ERBB4: variants seen among roughly 807,000 people sequenced by gnomAD.
ERBB4 encodes the protein receptor tyrosine-protein kinase erbB-4.
A neutral mutation model predicts 158.0 loss-of-function variants in ERBB4; 42 were observed. The observed-to-expected ratio is 0.27, with a 90% confidence interval of 0.21 to 0.34. The LOEUF is 0.34. ERBB4 is among the 10% of genes least tolerant of loss of function. ERBB4 has a pLI of 1.00. For synonymous variants in ERBB4, 583 were observed against 558.7 expected, an observed-to-expected ratio of 1.04 and a Z score of -0.61; for missense variants, 1,333 against 1,624.1, an observed-to-expected ratio of 0.82 and a Z score of 3.08.
At chr2:211,609,861 C>T (rs893986060) in intron 19 of ERBB4, among the ~76,000 whole-genome samples, 1 of 152,134 alleles carries the variant, frequency 6.6e-6, no homozygotes, top group African/African-American at 2.4e-5. Context: ...AAAAACAGAC[C>T]TATTGTCCAT....
At chr2:211,915,980 C>T (rs2079678723) in intron 3 of ERBB4, among the ~76,000 whole-genome samples, 1 of 151,734 alleles carries the variant, frequency 6.6e-6, no homozygotes, top group African/African-American at 2.4e-5. Flanking sequence ...ATACATACAA[C>T]TTTTAATAGT....
intron 3 of ERBB4, among the ~76,000 whole-genome samples, chr2:211,930,845 T>A (rs1237834280): frequency 6.6e-6 from 1 of 152,166 alleles, no homozygotes; most frequent in African/African-American, 2.4e-5. Context: ...TATTTAGAAC[T>A]AATTATGAAA....
In ERBB4 at chr2:212,192,075, TATATATTATATATATTATATAA is replaced by T. The variant is rs1327424452; in HGVS notation, c.83-67194_83-67173del. On this transcript the variant is annotated intron_variant, in intron 1 of 27. Transcript: ENST00000342788. ...TATATGTTATATATGTTATATGTTA[TATATATTATATATATTATATAA>T]GTTATATATTATATATTATATATAT... Among the ~76,000 whole-genome samples, 3 of 89,460 alleles carry T rather than the reference TATATATTATATATATTATATAA, an allele frequency of 3.4e-5. No homozygotes were observed. The East Asian group carries it at 8.4e-4, about 25-fold the overall frequency. The allele number at this position is 89,460 out of a possible 152,430, so 58.7% of individuals were successfully genotyped here.
intron 20 of ERBB4, among the ~76,000 whole-genome samples, chr2:211,559,514 A>T (rs1851200): frequency 0.25 from 38,001 of 152,048 alleles, 5,671 homozygotes; most frequent in African/African-American, 0.41. Flanking sequence ...TTCCACTTGG[A>T]TGATAAGTCT....
chr2:211,872,455 T>C (rs1344536433), intron 3 of ERBB4, among the ~76,000 whole-genome samples: 1 of 152,198 alleles, frequency 6.6e-6, no homozygotes, highest in African/African-American at 2.4e-5. Context: ...CCAATTTTTC[T>C]GACAGTCTTG....
At position 212,463,022 on chromosome 2, in the gene ERBB4, C is replaced by A. The variant is rs564827863; in HGVS notation, c.82+75427G>T. Among the ~76,000 whole-genome samples, 6 of 152,170 alleles carry A rather than the reference C, an allele frequency of 3.9e-5. No individual in the cohort carries two copies. In the South Asian group the frequency reaches 6.2e-4, roughly 16 times the overall value. On this transcript the variant is annotated intron_variant, in intron 1 of 27. Coordinates refer to ENST00000342788, the MANE Select transcript of ERBB4 (RefSeq NM_005235.3). ...AGGCACACACACAAAATAAATACTG[C>A]ATGTTCTCATTCATGTCGAAATTGA...
intron 2 of ERBB4, among the ~76,000 whole-genome samples, chr2:212,026,990 A>C (rs1284930303): frequency 6.6e-6 from 1 of 152,014 alleles, no homozygotes; most frequent in Non-Finnish European, 1.5e-5. Flanking sequence ...ACAATAATTA[A>C]TTAATACAAA....
intron 20 of ERBB4, among the ~76,000 whole-genome samples, chr2:211,519,436 C>T (rs2125634979): frequency 6.6e-6 from 1 of 152,146 alleles, no homozygotes; most frequent in South Asian, 2.1e-4. Context: ...GCCATGGGTA[C>T]CAAAGACTTT....
intron 3 of ERBB4, among the ~76,000 whole-genome samples, chr2:211,845,216 A>G (rs142131196): frequency 6.6e-6 from 1 of 152,142 alleles, no homozygotes; most frequent in African/African-American, 2.4e-5. Context: ...AAATATACCA[A>G]TACCCTAGAC....
At chr2:212,266,641 C>T (rs368276292) in intron 1 of ERBB4, among the ~76,000 whole-genome samples, 33 of 152,000 alleles carry the variant, frequency 2.2e-4, no homozygotes, top group Middle Eastern at 6.8e-3. Context: ...AAAGAAAAAG[C>T]CTCATATTTC....
In ERBB4 at chr2:211,386,852, C is replaced by A. The variant is rs1559116228; in HGVS notation, c.3481+1G>T. 1 of 1,613,964 alleles carries A rather than the reference C, an allele frequency of 6.2e-7. No homozygotes were observed. Among genetic ancestry groups the A allele is most frequent in the Non-Finnish European group, 8.5e-7 (1 of 1,179,888 alleles). On this transcript the variant is annotated splice_donor_variant, in intron 27 of 27. Coordinates refer to ENST00000342788, the MANE Select transcript of ERBB4 (RefSeq NM_005235.3). LOFTEE classifies it high-confidence loss of function. ...ATCGTTTCTGAATAATCAGTTCATA[C>A]CTTGTTTGGGTTTGTCTCGCATAGG...
At chr2:212,484,282 G>A (rs1244866444) in intron 1 of ERBB4, among the ~76,000 whole-genome samples, 2 of 152,176 alleles carry the variant, frequency 1.3e-5, no homozygotes, top group African/African-American at 4.8e-5. Context: ...TAAACTCAAA[G>A]TAAGATTTGC....
At chr2:211,951,514 A>G (rs2080875313) in intron 2 of ERBB4, among the ~76,000 whole-genome samples, 1 of 152,176 alleles carries the variant, frequency 6.6e-6, no homozygotes, top group African/African-American at 2.4e-5. Context: ...AAATATAACT[A>G]AGAAAATCTT....
At chr2:211,604,181 T>C (rs2068897878) in intron 19 of ERBB4, among the ~76,000 whole-genome samples, 1 of 152,226 alleles carries the variant, frequency 6.6e-6, no homozygotes, top group Non-Finnish European at 1.5e-5. Context: ...TTACATTCTG[T>C]AAGGTGTTAT....
chr2:211,962,949 T>C (rs994610465), intron 2 of ERBB4, among the ~76,000 whole-genome samples: 1 of 152,200 alleles, frequency 6.6e-6, no homozygotes, highest in Non-Finnish European at 1.5e-5. Flanking sequence ...CAAATTCTTT[T>C]AAATGACATT....
At chr2:211,623,861 T>C in intron 18 of ERBB4, 61 bp downstream of exon 18, 6 of 1,523,694 alleles carry the variant, frequency 3.9e-6, no homozygotes, top group Non-Finnish European at 5.5e-6. Flanking sequence ...CTCCATTGGC[T>C]ATTATTTTCT....
chr2:212,324,898 C>G (rs984333793), intron 1 of ERBB4, among the ~76,000 whole-genome samples: 9 of 150,250 alleles, frequency 6.0e-5, no homozygotes, highest in African/African-American at 1.7e-4. Flanking sequence ...CTCCTAAGTT[C>G]TGGTATAACA....
At chr2:212,082,606 T>A (rs541642067) in intron 2 of ERBB4, among the ~76,000 whole-genome samples, 1 of 151,956 alleles carries the variant, frequency 6.6e-6, no homozygotes, top group Non-Finnish European at 1.5e-5. Flanking sequence ...AGAATACCTA[T>A]TTTCTACAAG....
intron 2 of ERBB4, among the ~76,000 whole-genome samples, chr2:212,045,323 T>C (rs1006435880): frequency 2.0e-5 from 3 of 152,048 alleles, no homozygotes; most frequent in African/African-American, 7.2e-5. Context: ...GCCAGACATG[T>C]GGTGCACATC....
Sources: allele counts gnomAD v4.1 joint callset (sites outside exome capture counted in the v4.1 genomes callset), GRCh38; gene constraint gnomAD v4.1.1; transcripts MANE v1.5; gene names NCBI Gene and HGNC (gene_info 2026-07-23, HGNC 2026-07-21).